ATP6V1E1: variants seen among roughly 807,000 people sequenced by gnomAD.
ATP6V1E1 encodes V-type proton ATPase subunit E 1.
In ATP6V1E1, 21 loss-of-function variants were observed where a neutral mutation model predicts 35.2. That is an observed-to-expected ratio of 0.60 (90% CI 0.42 to 0.86). The LOEUF is 0.86. ATP6V1E1 is among the 40% of genes least tolerant of loss of function. ATP6V1E1 has a pLI of 0.00. For synonymous variants in ATP6V1E1, 83 were observed against 87.8 expected (o/e 0.95, Z 0.30); for missense variants, 183 against 272.6 (o/e 0.67, Z 2.32).
intron 4 of ATP6V1E1, 113 bp from the exon 5 acceptor site, chr22:17,601,294 T>C: frequency 3.7e-6 from 3 of 800,460 alleles, no homozygotes; most frequent in Non-Finnish European, 2.0e-6. Flanking sequence ...TATTGCTGGA[T>C]TTTCATTCAA....
intron 2 of ATP6V1E1, among the ~76,000 whole-genome samples, chr22:17,615,357 T>C (rs539376439): frequency 3.3e-5 from 5 of 151,992 alleles, no homozygotes; most frequent in Non-Finnish European, 7.4e-5. Flanking sequence ...TTATTATACG[T>C]AAACAGGCCA....
chr22:17,627,606 G>A, intron 1 of ATP6V1E1, among the ~76,000 whole-genome samples: 1 of 150,984 alleles, frequency 6.6e-6, no homozygotes, highest in East Asian at 2.1e-4. Context: ...ATCACCTGAG[G>A]TCAGGAGTTC....
intron 1 of ATP6V1E1, among the ~76,000 whole-genome samples, chr22:17,620,079 C>T (rs746837645): frequency 7.9e-5 from 12 of 152,114 alleles, no homozygotes; most frequent in Non-Finnish European, 1.8e-4. Context: ...ACCATCTCCT[C>T]GCCCCTTGAT....
At position 17,607,109 on chromosome 22, in the gene ATP6V1E1, T is replaced by C. The variant is rs191595284; in HGVS notation, c.276+5703A>G. Among the ~76,000 whole-genome samples, 690 of 152,228 alleles carry C rather than the reference T, an allele frequency of 4.5e-3. 8 individuals are homozygous for C. The highest frequency in any genetic ancestry group is 0.028 in the South Asian group (135 of 4,826). On this transcript the variant is annotated intron_variant, in intron 4 of 8. Transcript: ENST00000253413. ...GCTTCACCTGGAATCCTAAGGCAAT[T>C]CAAACACAATGATTTTTTTCACCAT...
intron 2 of ATP6V1E1, 66 bp from the exon 3 acceptor site, chr22:17,613,386 G>T: frequency 3.0e-6 from 4 of 1,321,642 alleles, no homozygotes; most frequent in Non-Finnish European, 4.3e-6. Context: ...TAAACAGCTG[G>T]TGACCTGCGT....
At chr22:17,627,058 T>C (rs939085129) in intron 1 of ATP6V1E1, among the ~76,000 whole-genome samples, 2 of 151,948 alleles carry the variant, frequency 1.3e-5, no homozygotes, top group African/African-American at 4.8e-5. Context: ...GGCACAATCT[T>C]GGCTCACTGC....
chr22:17,597,243 T>TA (rs113528640), intron 7 of ATP6V1E1, among the ~76,000 whole-genome samples: 22,983 of 139,884 alleles, frequency 0.16, 2,021 homozygotes, highest in African/African-American at 0.24. Flanking sequence ...CTGCCTGTCT[T>TA]AAAAAAAAAA....
chr22:17,592,790 C>A, intron 8 of ATP6V1E1, 54 bp from the exon 9 acceptor site: 2 of 1,067,686 alleles, frequency 1.9e-6, no homozygotes, highest in Non-Finnish European at 1.4e-6. Flanking sequence ...AGTTGTAGAG[C>A]GCTGCACATC....
Position 17,601,418 on chromosome 22 carries a change from A to G in ATP6V1E1, c.277-237T>C, listed in dbSNP as rs562075704. ...GGCCTAGCAGAGAATAGCTCAGGTA[A>G]CCATCAGTTCAGAAACCGACACAAG... On this transcript the variant is annotated intron_variant, in intron 4 of 8. Transcript: ENST00000253413. 4.8e-4 allele frequency among the ~76,000 whole-genome samples: 73 copies of G among 152,320 alleles called. 2 individuals carry two copies. In the South Asian group the frequency reaches 8.7e-3, roughly 18 times the overall value.
At chr22:17,619,891 C>T (rs1208929260) in intron 1 of ATP6V1E1, among the ~76,000 whole-genome samples, 1 of 152,164 alleles carries the variant, frequency 6.6e-6, no homozygotes, top group Non-Finnish European at 1.5e-5. Context: ...CTTCATCCTC[C>T]TCTCAAGGAA....
intron 4 of ATP6V1E1, among the ~76,000 whole-genome samples, chr22:17,604,130 G>A (rs1296519377): frequency 6.6e-6 from 1 of 152,192 alleles, no homozygotes; most frequent in Non-Finnish European, 1.5e-5. Context: ...TCTGAAGCAT[G>A]CCTGTCCACT....
intron 4 of ATP6V1E1, among the ~76,000 whole-genome samples, chr22:17,604,571 G>A (rs1483164406): frequency 6.6e-6 from 1 of 151,492 alleles, no homozygotes; most frequent in Non-Finnish European, 1.5e-5. Flanking sequence ...CCAGGCTGGA[G>A]TGCAGTGGTA....
At chr22:17,594,079 G>A (rs1321285642) in intron 8 of ATP6V1E1, among the ~76,000 whole-genome samples, 1 of 152,142 alleles carries the variant, frequency 6.6e-6, no homozygotes, top group African/African-American at 2.4e-5. Flanking sequence ...GCAGGTGCCT[G>A]TAATCCCAGC....
chr22:17,596,980 C>T lies in ATP6V1E1; in HGVS notation c.530+1214G>A, dbSNP rs186794358. Among the ~76,000 whole-genome samples the T allele has an allele frequency of 1.8e-3, 278 of 151,868 alleles. 9 individuals are homozygous for T. Among genetic ancestry groups the T allele is most frequent in the African/African-American group, 6.5e-3 (267 of 41,146 alleles). The stretch of plus-strand genomic sequence containing the variant: ...CCAAGGCACCAGGCATGGTGGCTCA[C>T]GCCTGTAATCCCAGCACTTTGGGAG... On this transcript the variant is annotated intron_variant, in intron 7 of 8. Transcript: ENST00000253413.
At chr22:17,622,008 G>T (rs1302915157) in intron 1 of ATP6V1E1, among the ~76,000 whole-genome samples, 3 of 152,154 alleles carry the variant, frequency 2.0e-5, no homozygotes, top group African/African-American at 7.2e-5. Context: ...ATCCAACTTA[G>T]ACTCATAAAT....
intron 1 of ATP6V1E1, among the ~76,000 whole-genome samples, chr22:17,623,023 G>A (rs2057885895): frequency 6.6e-6 from 1 of 152,116 alleles, no homozygotes; most frequent in Non-Finnish European, 1.5e-5. Context: ...AGAAGGGACA[G>A]TTTTTTTGTT....
Position 17,598,759 on chromosome 22 carries a change from T to TA in ATP6V1E1, c.436-472dup, listed in dbSNP as rs1229891624. Among the ~76,000 whole-genome samples the TA allele has an allele frequency of 2.6e-5, 4 of 152,292 alleles. No homozygotes were observed. In the East Asian group the frequency reaches 7.7e-4, roughly 29 times the overall value. On this transcript the variant is annotated intron_variant, in intron 6 of 8. Transcript: ENST00000253413. ...AGGATGGTTCTTATCAAAGTAACAG[T>TA]ATAATAGGTCCTCAAAAAATGAAGT... is the stretch of plus-strand genomic sequence containing the variant.
chr22:17,598,163 G>A, intron 7 of ATP6V1E1, 31 bp downstream of exon 7: 1 of 1,545,436 alleles, frequency 6.5e-7, no homozygotes, highest in Non-Finnish European at 8.9e-7. Context: ...AGGGAGAGAA[G>A]GTAGCTGTTA....
intron 1 of ATP6V1E1, among the ~76,000 whole-genome samples, chr22:17,627,977 T>A (rs1034954619): frequency 2.1e-5 from 3 of 145,330 alleles, no homozygotes; most frequent in African/African-American, 7.5e-5. Flanking sequence ...GTGACAAGGC[T>A]GGTTTGTTTT....
Sources: gnomAD v4.1 joint callset for allele counts (sites outside exome capture counted in the v4.1 genomes callset) on GRCh38, gnomAD v4.1.1 for gene constraint, MANE v1.5 for transcripts, NCBI Gene and HGNC (gene_info 2026-07-23, HGNC 2026-07-21) for gene names.